ASAP1: variants seen among roughly 807,000 people sequenced by gnomAD.
The protein encoded by ASAP1 is ArfGAP with SH3 domain, ankyrin repeat and PH domain 1, also known as arf-GAP with SH3 domain, ANK repeat and PH domain-containing protein 1.
ASAP1 carries 43 observed loss-of-function variants against 145.2 expected under a neutral mutation model. That is an observed-to-expected ratio of 0.30 (90% confidence interval 0.23 to 0.38). The LOEUF (loss-of-function observed/expected upper bound fraction) is 0.38, where lower values mean the gene tolerates loss of function less well. Among genes scored for constraint, ASAP1 ranks in the 10% least tolerant of loss-of-function variants. The probability of loss-of-function intolerance (pLI) is 1.00; values close to 1 mark genes in which losing one functional copy is unlikely to be tolerated. For synonymous variants in ASAP1, 546 were observed against 515.5 expected, an observed-to-expected ratio of 1.06 and a Z score of -0.80; for missense variants, 1,018 against 1,355.3, an observed-to-expected ratio of 0.75 and a Z score of 3.91.
chr8:130,061,543 GCATTCTATTC>G, intron 27 of ASAP1, among the ~76,000 whole-genome samples: 3 of 152,180 alleles, frequency 2.0e-5, no homozygotes, highest in Admixed American at 2.0e-4. Context: ...TTTGAATGGT[GCATTCTATTC>G]CATTCTATAG....
intron 4 of ASAP1, among the ~76,000 whole-genome samples, chr8:130,234,137 A>G (rs1818071745): frequency 6.6e-6 from 1 of 152,148 alleles, no homozygotes; most frequent in African/African-American, 2.4e-5. Context: ...TTGCAATACA[A>G]TGGGATACAT....
intron 2 of ASAP1, among the ~76,000 whole-genome samples, chr8:130,367,190 G>A (rs1300737346): frequency 2.0e-5 from 3 of 151,924 alleles, no homozygotes; most frequent in South Asian, 2.1e-4. Flanking sequence ...ACACCCGGCC[G>A]CTAGATACTT....
intron 24 of ASAP1, among the ~76,000 whole-genome samples, chr8:130,103,898 A>G (rs146342754): frequency 7.9e-4 from 121 of 152,288 alleles, no homozygotes; most frequent in Non-Finnish European, 1.4e-3. Context: ...GGTTTTGGTT[A>G]CATCTTCATT....
At chr8:130,193,945 C>T (rs1230317322) in intron 5 of ASAP1, among the ~76,000 whole-genome samples, 1 of 152,182 alleles carries the variant, frequency 6.6e-6, no homozygotes, top group African/African-American at 2.4e-5. Context: ...CCGCCTCTGC[C>T]TCCCAAAGTG....
At position 130,205,138 on chromosome 8, in the gene ASAP1, G is replaced by C. The variant is rs114778949; in HGVS notation, c.405+9418C>G. On this transcript the variant is annotated intron_variant, in intron 5 of 29. Coordinates refer to ENST00000518721, the MANE Select transcript of ASAP1 (RefSeq NM_018482.4). The stretch of plus-strand genomic sequence containing the variant: ...TCAATGAAACTTTGCTCCAATAAGC[G>C]ATGGTTTTTCTTCTCCCTTCTCCAC... Among the ~76,000 whole-genome samples, 794 of 152,082 alleles carry C rather than the reference G, an allele frequency of 5.2e-3. 8 individuals carry two copies. Among genetic ancestry groups the C allele is most frequent in the African/African-American group, 0.018 (765 of 41,510 alleles).
At chr8:130,097,539 G>A (rs1250219977) in intron 24 of ASAP1, among the ~76,000 whole-genome samples, 2 of 152,190 alleles carry the variant, frequency 1.3e-5, no homozygotes, top group Non-Finnish European at 2.9e-5. Flanking sequence ...TGCTGCCAGA[G>A]CACCTCAACG....
chr8:130,106,454 T>G (rs2097537012), intron 24 of ASAP1, among the ~76,000 whole-genome samples: 1 of 152,252 alleles, frequency 6.6e-6, no homozygotes, highest in Admixed American at 6.5e-5. Flanking sequence ...TCTTCCTATC[T>G]ACTGCCACAG....
intron 3 of ASAP1, among the ~76,000 whole-genome samples, chr8:130,237,243 T>C (rs911468651): frequency 6.6e-6 from 1 of 152,114 alleles, no homozygotes; most frequent in Admixed American, 6.6e-5. Flanking sequence ...CAGTCAATTA[T>C]CATGCTAAGC....
chr8:130,210,125 A>G (rs1816487624), intron 5 of ASAP1, among the ~76,000 whole-genome samples: 1 of 152,176 alleles, frequency 6.6e-6, no homozygotes, highest in Non-Finnish European at 1.5e-5. Flanking sequence ...CTCTTTTCCC[A>G]ATACAGATCT....
At position 130,359,790 on chromosome 8, in the gene ASAP1, AT is replaced by A. The variant is rs1232117254; in HGVS notation, c.60-1648del. On this transcript the variant is annotated intron_variant, in intron 2 of 29. Transcript: ENST00000518721. ...AGGCGCCCGCCACCGCGCCCGGCTAATTTTTTGTATTTTTAGTAGAGACGGT... is the reference window on the plus strand; with the variant it reads ...AGGCGCCCGCCACCGCGCCCGGCTAATTTTTGTATTTTTAGTAGAGACGGT... Among the ~76,000 whole-genome samples, 4 of 152,000 alleles carry A rather than the reference AT, an allele frequency of 2.6e-5. No homozygotes were observed. The East Asian group carries it at 7.7e-4, about 29-fold the overall frequency.
intron 4 of ASAP1, among the ~76,000 whole-genome samples, chr8:130,223,181 C>T (rs1817395749): frequency 6.6e-6 from 1 of 152,208 alleles, no homozygotes; most frequent in African/African-American, 2.4e-5. Flanking sequence ...CTTGAGAACA[C>T]TCTCATAAAT....
At chr8:130,119,984 T>G (rs1224645726) in intron 18 of ASAP1, among the ~76,000 whole-genome samples, 1 of 152,230 alleles carries the variant, frequency 6.6e-6, no homozygotes, top group African/African-American at 2.4e-5. Flanking sequence ...CAGCCCACAG[T>G]CAGGCAACAC....
At chr8:130,073,331 G>A (rs927169252) in intron 27 of ASAP1, among the ~76,000 whole-genome samples, 16 of 151,516 alleles carry the variant, frequency 1.1e-4, no homozygotes, top group African/African-American at 3.2e-4. Context: ...CGGAGGTTGC[G>A]GGGAGCTGAG....
rs114802199 is a variant in ASAP1 at position 130,133,964 on chromosome 8, G to A, written c.1217+332C>T. ...TGCATAAGGCACGGTCCTTGCCCTC[G>A]AAAAGCTCTTGGTCTCTAAAGGGCT... On this transcript the variant is annotated intron_variant, in intron 15 of 29. Coordinates refer to ENST00000518721, the MANE Select transcript of ASAP1 (RefSeq NM_018482.4). Among the ~76,000 whole-genome samples the A allele has an allele frequency of 3.7e-3, 566 of 152,284 alleles. 7 individuals carry two copies. Among genetic ancestry groups the A allele is most frequent in the African/African-American group, 0.013 (537 of 41,544 alleles).
intron 3 of ASAP1, among the ~76,000 whole-genome samples, chr8:130,284,000 A>G (rs1821435325): frequency 6.6e-6 from 1 of 152,064 alleles, no homozygotes; most frequent in Admixed American, 6.6e-5. Context: ...ATCCACAAAA[A>G]CCTTGTGGAG....
At chr8:130,129,073 A>T (rs899876259) in intron 15 of ASAP1, among the ~76,000 whole-genome samples, 7 of 152,042 alleles carry the variant, frequency 4.6e-5, no homozygotes, top group African/African-American at 1.7e-4. Context: ...TTGAGATCTG[A>T]TGGTTTTATA....
intron 5 of ASAP1, among the ~76,000 whole-genome samples, chr8:130,209,633 C>A (rs1816452893): frequency 6.6e-6 from 1 of 151,910 alleles, no homozygotes; most frequent in Admixed American, 6.6e-5. Context: ...ACATCTTGAC[C>A]CTCAAATGCA....
At position 130,191,038 on chromosome 8, in the gene ASAP1, A is replaced by G. The variant is rs1586559354; in HGVS notation, c.406-2855T>C. Reference sequence around the variant, plus strand: ...AGATATTTAGGAAGTGCAATCTATAACCGGGAAATAGTTTTTTTTTTTTTT... The same window carrying G: ...AGATATTTAGGAAGTGCAATCTATAGCCGGGAAATAGTTTTTTTTTTTTTT... On this transcript the variant is annotated intron_variant, in intron 5 of 29. Transcript: ENST00000518721. 1.5e-5 allele frequency among the ~76,000 whole-genome samples: 2 copies of G among 130,566 alleles called. 1 individual carries two copies. Among genetic ancestry groups the G allele is most frequent in the South Asian group, 5.5e-4 (2 of 3,638 alleles). 85.7% of individuals were successfully genotyped at this position (130,566 alleles called of 152,430 possible).
intron 1 of ASAP1, among the ~76,000 whole-genome samples, chr8:130,442,352 T>C (rs1830514330): frequency 6.6e-6 from 1 of 151,842 alleles, no homozygotes. Flanking sequence ...CTGAAGGGGG[T>C]GAATCAGTTG....
Sources: gnomAD v4.1 joint callset for allele counts (sites outside exome capture counted in the v4.1 genomes callset) on GRCh38, gnomAD v4.1.1 for gene constraint, MANE v1.5 for transcripts, NCBI Gene and HGNC (gene_info 2026-07-23, HGNC 2026-07-21) for gene names.